Variants in PKLR observed in about 807,000 individuals in gnomAD.
PKLR encodes pyruvate kinase PKLR.
In PKLR, 38 loss-of-function variants were observed where a neutral mutation model predicts 53.6. The ratio of observed to expected loss-of-function variants is 0.71; its 90% confidence interval spans 0.55 to 0.93. The LOEUF (loss-of-function observed/expected upper bound fraction) is 0.93, where lower values mean the gene tolerates loss of function less well. Among genes scored for constraint, PKLR ranks in the 40% least tolerant of loss-of-function variants. The probability of loss-of-function intolerance (pLI) is 0.00; values close to 1 mark genes in which losing one functional copy is unlikely to be tolerated. For missense variants in PKLR, 702 were observed against 787.3 expected, an observed-to-expected ratio of 0.89 and a Z score of 1.30; for synonymous variants, 328 against 316.2, an observed-to-expected ratio of 1.04 and a Z score of -0.39.
chr1:155,301,023 A>T, intron 1 of PKLR: 2 of 1,548,306 alleles, frequency 1.3e-6, no homozygotes, highest in Non-Finnish European at 1.7e-6. Context: ...CTCCTGTTCC[A>T]TTGGAAGCCC....
chr1:155,299,020 T>TTCTTTCTTTC, intron 2 of PKLR, among the ~76,000 whole-genome samples: 1 of 75,360 alleles, frequency 1.3e-5, no homozygotes, highest in Admixed American at 1.3e-4. Context: ...CTTTCTTTCT[T>TTCTTTCTTTC]TCTTTCTTTC....
rs1196986764 is a variant in PKLR, at chr1:155,294,651, C to G, written c.796G>C (p.Glu266Gln). 1 of 1,614,034 alleles carries G rather than the reference C, an allele frequency of 6.2e-7. No individual in the cohort carries two copies. The highest frequency in any genetic ancestry group is 1.3e-5 in the African/African-American group (1 of 74,948). Reference sequence around the variant, plus strand: ...AAGCGCAGGTCTCGGACGTCCTGCTCGGACAGCCCGGGCAAGTCCACCTGG... The same window carrying G: ...AAGCGCAGGTCTCGGACGTCCTGCTGGGACAGCCCGGGCAAGTCCACCTGG... ...GAQVDLPGLS[E>Q]QDVRDLRFGV... Residue 266 changes from glutamate (E) to glutamine (Q), a missense_variant, in exon 6 of 11, where the codon GAG becomes CAG. By Grantham distance (29) the Glu-to-Gln change is conservative (BLOSUM62 2). This residue lies in a region of PKLR where 519 missense variants were observed against 537.1 expected (regional missense o/e 0.97). Coordinates refer to ENST00000342741, the MANE Select transcript of PKLR (RefSeq NM_000298.6).
chr1:155,296,711 A>G (rs981597244), intron 2 of PKLR, among the ~76,000 whole-genome samples: 1 of 151,306 alleles, frequency 6.6e-6, no homozygotes, highest in Admixed American at 6.6e-5. Flanking sequence ...TTTCATCATT[A>G]AAAAAAAATT....
chr1:155,299,018 CTTTCTTTCTTTCTTTCTCTTTCTTTCT>C lies in PKLR; in HGVS notation c.283+1053_283+1079del, dbSNP rs1557963292. Among the ~76,000 whole-genome samples, 208 of 101,330 alleles carry C rather than the reference CTTTCTTTCTTTCTTTCTCTTTCTTTCT, an allele frequency of 2.1e-3. 3 individuals carry two copies. Among genetic ancestry groups the C allele is most frequent in the East Asian group, 0.013 (31 of 2,412 alleles). The allele number at this position is 101,330 out of a possible 152,430, so 66.5% of individuals were successfully genotyped here. A position where few individuals can be genotyped will look rare whatever the true frequency, so the allele number is the denominator to read the frequency against. ...TCTTTCTTTCTTTCTTTCTTTCTTTCTTTCTTTCTTTCTTTCTCTTTCTTTCTTTCTTTCCTTCCTTCCTTCCTTCCT... is the reference window on the plus strand; with the variant it reads ...TCTTTCTTTCTTTCTTTCTTTCTTTCTTCTTTCCTTCCTTCCTTCCTTCCT... On this transcript the variant is annotated intron_variant, in intron 2 of 10. Transcript: ENST00000342741.
At chr1:155,292,047 T>C in intron 9 of PKLR, 110 bp from the exon 10 acceptor site, 2 of 985,180 alleles carry the variant, frequency 2.0e-6, no homozygotes, top group East Asian at 5.1e-5. Context: ...TGACCCTGGG[T>C]AAGTCATCAT....
At chr1:155,300,768 C>G in intron 1 of PKLR, 88 of 1,271,302 alleles carry the variant, frequency 6.9e-5, no homozygotes. Flanking sequence ...TACTGGCTGG[C>G]TTCCCCACCC....
In PKLR at chr1:155,290,380, A is replaced by T. The variant is rs577392110; in HGVS notation, c.*192T>A. The T allele has an allele frequency of 2.0e-5, 12 of 602,328 alleles. No homozygotes were observed. The South Asian group carries it at 2.3e-4, about 12-fold the overall frequency. The allele number at this position is 602,328 out of a possible 1,614,324, so 37.3% of individuals were successfully genotyped here. A position where few individuals can be genotyped will look rare whatever the true frequency, so the allele number is the denominator to read the frequency against. On this transcript the variant is annotated 3_prime_UTR_variant, in exon 11 of 11. Coordinates refer to ENST00000342741, the MANE Select transcript of PKLR (RefSeq NM_000298.6). ...CTTTCAGGACCTGTGTGAAATGGAG[A>T]TGGGGAAGGGGCAACCTCGAAGGGG...
intron 10 of PKLR, among the ~76,000 whole-genome samples, 196 bp from the exon 11 acceptor site, chr1:155,290,874 A>G (rs1674502994): frequency 6.6e-6 from 1 of 151,728 alleles, no homozygotes; most frequent in South Asian, 2.1e-4. Flanking sequence ...CTGTAATCCC[A>G]GCTACTAGGG....
Position 155,290,682 on chromosome 1 carries a change from G to C in PKLR, c.1619-4C>G. ...CGGAGGAAGCCACGGAGCTTTCCTG[G>C]GGGAGGGAAAGAAAACAAATCATTG... On this transcript the variant is annotated splice_region_variant and splice_polypyrimidine_tract_variant and intron_variant, in intron 10 of 10. Coordinates refer to ENST00000342741, the MANE Select transcript of PKLR (RefSeq NM_000298.6). 1.3e-6 allele frequency: 2 copies of C among 1,584,094 alleles called. No individual in the cohort carries two copies. The highest frequency in any genetic ancestry group is 1.7e-6 in the Non-Finnish European group (2 of 1,153,072).
chr1:155,301,807 C>A (rs1164199444), upstream of PKLR, among the ~76,000 whole-genome samples: 2 of 152,172 alleles, frequency 1.3e-5, no homozygotes, highest in Non-Finnish European at 2.9e-5. Flanking sequence ...CAGTTCTGAC[C>A]ACTTTTTTTC....
At chr1:155,298,745 G>A (rs958534553) in intron 2 of PKLR, among the ~76,000 whole-genome samples, 5 of 151,298 alleles carry the variant, frequency 3.3e-5, no homozygotes, top group African/African-American at 4.9e-5. Context: ...GGGTTCAAGC[G>A]ATTCCCCTGC....
In PKLR at chr1:155,295,709, C is replaced by T. The variant is rs918627824; in HGVS notation, c.331G>A (p.Gly111Arg). 6 of 1,614,046 alleles carry T rather than the reference C, an allele frequency of 3.7e-6. No individual in the cohort carries two copies. Among genetic ancestry groups the T allele is most frequent in the African/African-American group, 2.7e-5 (2 of 74,940 alleles). The change falls in exon 3 of 11, where the codon GGG (glycine) becomes AGG (arginine). Residue 111 changes from glycine (G) to arginine (R), a missense_variant. Gly to Arg is a moderately radical substitution (Grantham distance 125). Around this residue, in one of 2 missense-constraint regions of PKLR, gnomAD observed 519 missense variants for 537.1 expected, o/e 0.97. Transcript: ENST00000342741. This position sits in a 1 kb window ranked among gnomAD's most constrained non-coding sequence, Gnocchi z 4.3. The part of the protein sequence containing the change: ...VERLKEMIKA[G>R]MNIARLNFSH... Reference sequence around the variant, plus strand: ...AAGTTGAGTCGCGCAATGTTCATCCCGGCCTTGATCATCTCCTTGAGGCGC... The same window carrying T: ...AAGTTGAGTCGCGCAATGTTCATCCTGGCCTTGATCATCTCCTTGAGGCGC...
At chr1:155,297,963 C>A (rs1178425717) in intron 2 of PKLR, among the ~76,000 whole-genome samples, 1 of 152,194 alleles carries the variant, frequency 6.6e-6, no homozygotes, top group Non-Finnish European at 1.5e-5. Flanking sequence ...GGGCTGCAAC[C>A]TGTCTTCACC....
At chr1:155,301,984 AAACTT>A (rs1164624819), upstream of PKLR, among the ~76,000 whole-genome samples, 3 of 152,190 alleles carry the variant, frequency 2.0e-5, no homozygotes, top group African/African-American at 7.2e-5. Flanking sequence ...CTATTTTGCT[AAACTT>A]ATAGACTCCT....
intron 2 of PKLR, among the ~76,000 whole-genome samples, chr1:155,297,690 G>C (rs1343182165): frequency 6.6e-6 from 1 of 151,906 alleles, no homozygotes; most frequent in Non-Finnish European, 1.5e-5. Context: ...CATTTCACTC[G>C]GAGGAAAACG....
rs778164541 is a variant in PKLR, at chr1:155,301,426, C to T, written c.-31G>A. The T allele has an allele frequency of 1.1e-5, 18 of 1,613,884 alleles. 1 individual carries two copies. In the Admixed American group the frequency reaches 1.3e-4, roughly 12 times the overall value. On this transcript the variant is annotated 5_prime_UTR_variant, in exon 1 of 11. An upstream start codon of the reference 5' UTR is lost. Coordinates refer to ENST00000342741, the MANE Select transcript of PKLR (RefSeq NM_000298.6). ...CAGTGTGGGCCTGGGGCTGCGGGAC[C>T]ATGGAATGAGAGGGAGAGGATGACA...
intron 1 of PKLR, chr1:155,300,960 G>A: frequency 6.3e-7 from 1 of 1,576,584 alleles, no homozygotes; most frequent in Non-Finnish European, 8.6e-7. Flanking sequence ...GAGGCATGAG[G>A]CCCAGCTGGG....
chr1:155,290,267 C>G lies in PKLR; in HGVS notation c.*305G>C. 4.7e-6 allele frequency: 2 copies of G among 426,660 alleles called. No individual in the cohort carries two copies. The highest frequency in any genetic ancestry group is 8.7e-6 in the Non-Finnish European group (2 of 231,070). The allele number at this position is 426,660 out of a possible 1,614,324, so 26.4% of individuals were successfully genotyped here. ...ACCAGCCAAACTGGGATTAAAGACTCAAGGCATCTTAGGGCCTGCTGAGCA... is the reference window on the plus strand; with the variant it reads ...ACCAGCCAAACTGGGATTAAAGACTGAAGGCATCTTAGGGCCTGCTGAGCA... On this transcript the variant is annotated 3_prime_UTR_variant, in exon 11 of 11. Coordinates refer to ENST00000342741, the MANE Select transcript of PKLR (RefSeq NM_000298.6).
At chr1:155,300,323 TCCTC>T (rs765835058) in intron 1 of PKLR, 43 bp from the exon 2 acceptor site, 13 of 1,502,388 alleles carry the variant, frequency 8.7e-6, no homozygotes, top group Admixed American at 2.0e-5. Flanking sequence ...CACCTGCCCT[TCCTC>T]CCCATGCCTT....
Sources: allele counts gnomAD v4.1 joint callset (sites outside exome capture counted in the v4.1 genomes callset), GRCh38; gene constraint gnomAD v4.1.1; regional missense constraint gnomAD v4.1.1; non-coding constraint Gnocchi (gnomAD v3.1); transcripts MANE v1.5; gene names NCBI Gene and HGNC (gene_info 2026-07-23, HGNC 2026-07-21).